Variants in TRIM66 observed in about 807,000 individuals in gnomAD.
TRIM66 encodes the protein tripartite motif containing 66, also known as tripartite motif-containing protein 66.
Under a neutral mutation model 148.2 loss-of-function variants are expected in TRIM66, and 99 were observed. The observed-to-expected ratio is 0.67, with a 90% CI of 0.57 to 0.79. The LOEUF is 0.79. Ranked by LOEUF, TRIM66 falls within the 30% of genes least tolerant of loss-of-function variation. The pLI is 0.00. For missense variants in TRIM66, 1,666 were observed against 1,697.9 expected (o/e 0.98, Z 0.33); for synonymous variants, 616 against 635.9 (o/e 0.97, Z 0.47).
chr11:8,670,903 C>A (rs952288514), intron 6 of TRIM66, among the ~76,000 whole-genome samples: 2 of 152,024 alleles, frequency 1.3e-5, no homozygotes, highest in African/African-American at 2.4e-5. Flanking sequence ...TTTTAAAACT[C>A]TATTATCACA....
chr11:8,673,095 G>A lies in TRIM66; in HGVS notation c.-111-710C>T, dbSNP rs185886471. 2.3e-3 allele frequency among the ~76,000 whole-genome samples: 344 copies of A among 150,804 alleles called. 1 individual carries two copies. The highest frequency in any genetic ancestry group is 7.4e-3 in the African/African-American group (304 of 41,042). On this transcript the variant is annotated intron_variant, in intron 4 of 24. Coordinates refer to ENST00000646038, the MANE Select transcript of TRIM66 (RefSeq NM_001388022.1). ...GCTGGGACTACAGGCACCCACCACCGCCCTGGCTAATTTTTTTTGTATTTT... is the reference window on the plus strand; with the variant it reads ...GCTGGGACTACAGGCACCCACCACCACCCTGGCTAATTTTTTTTGTATTTT...
At position 8,624,523 on chromosome 11, in the gene TRIM66, G is replaced by A; in HGVS notation, c.2855C>T (p.Thr952Ile). 6.5e-7 allele frequency: 1 copy of A among 1,534,980 alleles called. No homozygotes were observed. Among genetic ancestry groups the A allele is most frequent in the Non-Finnish European group, 8.8e-7 (1 of 1,142,194 alleles). The change falls in exon 17 of 25, where the codon ACT becomes ATT. Residue 952 changes from threonine (T) to isoleucine (I), a missense_variant. Thr to Ile is a moderately conservative substitution (Grantham distance 89). Around this residue, in one of 3 missense-constraint regions of TRIM66, gnomAD observed 1,431 missense variants for 1,412.4 expected, o/e 1.01. Transcript: ENST00000646038. ...KMESEDSTRF[T>I]DLLGQGPIVP... ...TATGGGACCTTGTCCCAGTAAGTCA[G>A]TGAAGCGAGTGGAATCCTCACTTTC...
rs554420641 is a variant in TRIM66, at chr11:8,639,885, C to A, written c.2148+342G>T. Among the ~76,000 whole-genome samples, 11 of 152,308 alleles carry A rather than the reference C, an allele frequency of 7.2e-5. No individual in the cohort carries two copies. The East Asian group carries it at 2.1e-3, about 29-fold the overall frequency. ...GCTAGGGAGATGACAAGATAAGAGACAGCCTCTCTTCTGCTCTGGCACTGG... is the reference window on the plus strand; with the variant it reads ...GCTAGGGAGATGACAAGATAAGAGAAAGCCTCTCTTCTGCTCTGGCACTGG... On this transcript the variant is annotated intron_variant, in intron 14 of 24. Transcript: ENST00000646038.
At chr11:8,637,327 T>C (rs921381941) in intron 15 of TRIM66, among the ~76,000 whole-genome samples, 1 of 146,372 alleles carries the variant, frequency 6.8e-6, no homozygotes, top group African/African-American at 2.5e-5. Context: ...AATGCATATA[T>C]ATATATATAT....
Position 8,645,806 on chromosome 11 carries a change from G to A in TRIM66, c.1039C>T (p.Gln347Ter). The change falls in exon 12 of 25, where the codon CAG (glutamine) becomes TAG (stop). Residue 347 changes from glutamine to a stop codon, truncating the protein, a stop_gained. Transcript: ENST00000646038. LOFTEE classifies it high-confidence loss of function. ...CAGACAGCCCAGTTGATGAAATTCT[G>A]CACATGCTCAAACTGACGGTTGAGA... Reference protein sequence around the residue: ...MVLNRQFEHVQNFINWAVCSK... With the variant: ...MVLNRQFEHV 1 of 1,551,772 alleles carries A rather than the reference G, an allele frequency of 6.4e-7. No individual in the cohort carries two copies. Among genetic ancestry groups the A allele is most frequent in the Non-Finnish European group, 8.7e-7 (1 of 1,146,998 alleles).
Position 8,613,200 on chromosome 11 carries a change from G to C in TRIM66, c.*4744C>G, listed in dbSNP as rs1032288851. ...AAAGAAGAGACCACAGACAGCCACAGACATTTCCCCCATCTAGGTTTCAAG... is the reference window on the plus strand; with the variant it reads ...AAAGAAGAGACCACAGACAGCCACACACATTTCCCCCATCTAGGTTTCAAG... On this transcript the variant is annotated 3_prime_UTR_variant, in exon 25 of 25. Transcript: ENST00000646038. The C allele has an allele frequency of 3.9e-5, 6 of 152,222 alleles. No homozygotes were observed. Among genetic ancestry groups the C allele is most frequent in the South Asian group, 2.1e-4 (1 of 4,816 alleles). 9.4% of individuals were successfully genotyped at this position (152,222 alleles called of 1,614,324 possible).
chr11:8,626,547 C>T (rs920485308), intron 15 of TRIM66, among the ~76,000 whole-genome samples: 1 of 152,152 alleles, frequency 6.6e-6, no homozygotes, highest in African/African-American at 2.4e-5. Flanking sequence ...TACCAAGCCC[C>T]ATCAATTCTA....
At chr11:8,632,153 C>T (rs1400615768) in intron 15 of TRIM66, among the ~76,000 whole-genome samples, 1 of 152,016 alleles carries the variant, frequency 6.6e-6, no homozygotes, top group Admixed American at 6.6e-5. Context: ...ACTAAAAATA[C>T]AAAAATTAGC....
At position 8,651,901 on chromosome 11, in the gene TRIM66, G is replaced by C; in HGVS notation, c.343C>G (p.Leu115Val). The C allele has an allele frequency of 6.4e-7, 1 of 1,550,522 alleles. No individual in the cohort carries two copies. Among genetic ancestry groups the C allele is most frequent in the Non-Finnish European group, 8.7e-7 (1 of 1,146,178 alleles). Reference protein sequence around the residue: ...AKAHETVADELISCPGCERVY... With the variant: ...AKAHETVADEVISCPGCERVY... ...CGTTCACACCCAGGACAGGAGATGA[G>C]CTCTGTGCAAGAAAGAAAGATAGCA... is the stretch of plus-strand genomic sequence containing the variant. The change falls in exon 7 of 25, where the codon CTC (leucine) becomes GTC (valine). Residue 115 changes from leucine (L) to valine (V), a missense_variant and splice_region_variant. Transcript: ENST00000646038.
chr11:8,674,732 A>T (rs2039099564), intron 4 of TRIM66, 74 bp downstream of exon 4: 3 of 152,212 alleles, frequency 2.0e-5, no homozygotes, highest in Non-Finnish European at 2.9e-5. Context: ...TTTAATGAGA[A>T]GAGTCACATT....
chr11:8,671,865 A>G lies in TRIM66; in HGVS notation c.261T>C (p.His87=). The G allele has an allele frequency of 6.5e-7, 1 of 1,535,950 alleles. No homozygotes were observed. Among genetic ancestry groups the G allele is most frequent in the Non-Finnish European group, 8.7e-7 (1 of 1,146,742 alleles). Residue 87 remains histidine (H), a synonymous_variant, in exon 6 of 25, where the codon CAT becomes CAC. Coordinates refer to ENST00000646038, the MANE Select transcript of TRIM66 (RefSeq NM_001388022.1). ...GMGSHLLSCQ[H]LLRKDCFQGL... is the part of the protein sequence containing the mutation. ...CCTGGAAGCAGTCCTTACGGAGCAA[A>G]TGCTGGCAGGATAGGAGATGAGAGC...
intron 9 of TRIM66, 92 bp from the exon 10 acceptor site, chr11:8,648,178 G>T (rs1052358728): frequency 3.7e-5 from 46 of 1,255,416 alleles, no homozygotes; most frequent in Middle Eastern, 1.9e-4. Flanking sequence ...AACTGTCTCA[G>T]CCAGACCCAT....
chr11:8,682,806 C>A (rs201404334), upstream of TRIM66: 1 of 1,613,294 alleles, frequency 6.2e-7, no homozygotes, highest in Non-Finnish European at 8.5e-7. Context: ...TTCGTCTGGG[C>A]TGCCAACATG....
At position 8,621,288 on chromosome 11, in the gene TRIM66, C is replaced by T; in HGVS notation, c.3289G>A (p.Ala1097Thr). 6.4e-7 allele frequency: 1 copy of T among 1,551,668 alleles called. No individual in the cohort carries two copies. The highest frequency in any genetic ancestry group is 2.4e-5 in the East Asian group (1 of 40,926). ...SQDRLSEATQ[A>T]PGLEGRKVTV... ...ACCTTTCTTCCCTCCAGACCTGGGG[C>T]CTGGGTGGCCTCAGACAGTCTGTCC... Residue 1097 changes from alanine (A) to threonine (T), a missense_variant, in exon 20 of 25, where the codon GCC becomes ACC. By Grantham distance (58) the Ala-to-Thr change is moderately conservative (BLOSUM62 0). This residue lies in a region of TRIM66 where 1,431 missense variants were observed against 1,412.4 expected (regional missense o/e 1.01). Transcript: ENST00000646038.
intron 6 of TRIM66, among the ~76,000 whole-genome samples, chr11:8,669,853 A>C (rs1555075951): frequency 6.6e-6 from 1 of 151,496 alleles, no homozygotes; most frequent in Non-Finnish European, 1.5e-5. Flanking sequence ...CATCTCATTT[A>C]TTTCTTTTAA....
intron 12 of TRIM66, among the ~76,000 whole-genome samples, chr11:8,643,962 C>G (rs908482869): frequency 6.6e-6 from 1 of 152,086 alleles, no homozygotes; most frequent in African/African-American, 2.4e-5. Context: ...ACATCTTAGC[C>G]TCTCATTTCA....
chr11:8,616,467 C>G lies in TRIM66; in HGVS notation c.*1477G>C, dbSNP rs2033727184. On this transcript the variant is annotated 3_prime_UTR_variant, in exon 25 of 25. Transcript: ENST00000646038. ...GGGAGAGCTGTCTCAGTCCTGGCCA[C>G]TGACATGTCAGGTTCATAGCTCCCC... The G allele has an allele frequency of 6.6e-6, 1 of 152,252 alleles. No individual in the cohort carries two copies. The highest frequency in any genetic ancestry group is 2.4e-5 in the African/African-American group (1 of 41,462). The allele number at this position is 152,252 out of a possible 1,614,324, so 9.4% of individuals were successfully genotyped here.
At chr11:8,648,874 C>G (rs1046807078) in intron 8 of TRIM66, among the ~76,000 whole-genome samples, 10 of 152,242 alleles carry the variant, frequency 6.6e-5, no homozygotes, top group African/African-American at 2.4e-4. Context: ...TTAACCTGTT[C>G]ATTAATCAGG....
chr11:8,659,479 G>A (rs962932872), intron 6 of TRIM66, among the ~76,000 whole-genome samples: 2 of 152,146 alleles, frequency 1.3e-5, no homozygotes, highest in Non-Finnish European at 2.9e-5. Context: ...TCAAGTGGAG[G>A]GGCTGTCATG....
Sources: allele counts gnomAD v4.1 joint callset (sites outside exome capture counted in the v4.1 genomes callset), GRCh38; gene constraint gnomAD v4.1.1; regional missense constraint gnomAD v4.1.1; transcripts MANE v1.5; gene names NCBI Gene and HGNC (gene_info 2026-07-23, HGNC 2026-07-21).